The following SYCP1 variants were observed in gnomAD, a reference collection of about 807,000 sequenced individuals.
The protein encoded by SYCP1 is cancer/testis antigen 8.
In SYCP1, 64 loss-of-function variants were observed where a neutral mutation model predicts 153.1. That is an observed-to-expected ratio of 0.42 (90% CI 0.34 to 0.51). The LOEUF (loss-of-function observed/expected upper bound fraction) is 0.51, where lower values mean the gene tolerates loss of function less well. Ranked by LOEUF, SYCP1 falls within the 20% of genes least tolerant of loss-of-function variation. The pLI is 0.06. For missense variants in SYCP1, 997 were observed against 1,049.0 expected, an observed-to-expected ratio of 0.95 and a Z score of 0.68; for synonymous variants, 384 against 341.8, an observed-to-expected ratio of 1.12 and a Z score of -1.36.
intron 20 of SYCP1, 53 bp from the exon 21 acceptor site, chr1:114,923,396 T>C (rs753297422): frequency 5.8e-5 from 86 of 1,473,482 alleles, no homozygotes; most frequent in Non-Finnish European, 6.8e-5. Context: ...ATTTGAGATC[T>C]TCTATAGGCC....
intron 6 of SYCP1, among the ~76,000 whole-genome samples, chr1:114,859,013 T>C (rs1664198932): frequency 6.6e-6 from 1 of 152,186 alleles, no homozygotes; most frequent in Non-Finnish European, 1.5e-5. Flanking sequence ...CCTATTGATG[T>C]TTTATGTAAA....
At chr1:114,881,913 CT>C (rs1352281466) in intron 12 of SYCP1, among the ~76,000 whole-genome samples, 1 of 152,146 alleles carries the variant, frequency 6.6e-6, no homozygotes, top group Non-Finnish European at 1.5e-5. Flanking sequence ...AACTCATACG[CT>C]TAGTTTTGTT....
At chr1:114,897,228 A>G (rs1667135298) in intron 16 of SYCP1, among the ~76,000 whole-genome samples, 1 of 152,190 alleles carries the variant, frequency 6.6e-6, no homozygotes, top group Admixed American at 6.5e-5. Context: ...TTTTGGGAAA[A>G]CAGCAGTCAG....
chr1:114,899,694 C>T (rs978420561), intron 16 of SYCP1, among the ~76,000 whole-genome samples: 1 of 152,172 alleles, frequency 6.6e-6, no homozygotes, highest in Admixed American at 6.5e-5. Flanking sequence ...ATAGTATACT[C>T]AGACATTAGA....
chr1:114,867,563 TGGTG>T (rs1416970303), intron 8 of SYCP1, among the ~76,000 whole-genome samples: 1 of 152,178 alleles, frequency 6.6e-6, no homozygotes, highest in Non-Finnish European at 1.5e-5. Context: ...TATTCATTGC[TGGTG>T]TATAGGAAAA....
chr1:114,954,732 C>T (rs1238656204), intron 27 of SYCP1, among the ~76,000 whole-genome samples: 2 of 152,118 alleles, frequency 1.3e-5, no homozygotes, highest in Non-Finnish European at 2.9e-5. Flanking sequence ...AGGCACACGC[C>T]GCCATGCCCA....
At chr1:114,914,185 G>T in intron 20 of SYCP1, 140 bp downstream of exon 20, 2 of 590,274 alleles carry the variant, frequency 3.4e-6, no homozygotes, top group Non-Finnish European at 5.5e-6. Context: ...CACTGTTGTG[G>T]AATCCTGCTT....
intron 27 of SYCP1, among the ~76,000 whole-genome samples, chr1:114,971,708 T>C (rs777710032): frequency 2.0e-5 from 3 of 152,186 alleles, no homozygotes; most frequent in Non-Finnish European, 2.9e-5. Flanking sequence ...TGGTTTGATA[T>C]GATATATCAC....
chr1:114,895,520 T>TC lies in SYCP1; in HGVS notation c.1320+12dup. ...TTGAAAAAAGTCTTGGTAAGTATAG[T>TC]CTTTCCTATTAATATATAGCAATTA... On this transcript the variant is annotated intron_variant, in intron 16 of 31. Transcript: ENST00000369522. 1 of 1,400,606 alleles carries TC rather than the reference T, an allele frequency of 7.1e-7. No individual in the cohort carries two copies. The highest frequency in any genetic ancestry group is 9.7e-7 in the Non-Finnish European group (1 of 1,025,678). The allele number at this position is 1,400,606 out of a possible 1,614,324, so 86.8% of individuals were successfully genotyped here. A position where few individuals can be genotyped will look rare whatever the true frequency, so the allele number is the denominator to read the frequency against.
chr1:114,990,810 C>CA (rs1392868073), intron 30 of SYCP1, among the ~76,000 whole-genome samples: 1 of 151,954 alleles, frequency 6.6e-6, no homozygotes, highest in East Asian at 1.9e-4. Flanking sequence ...AATTGGTAAT[C>CA]AAAAACCTCA....
intron 12 of SYCP1, among the ~76,000 whole-genome samples, chr1:114,880,927 ATT>A (rs1328441128): frequency 6.6e-6 from 1 of 152,026 alleles, no homozygotes; most frequent in Non-Finnish European, 1.5e-5. Context: ...TGCCTAATTT[ATT>A]TTGTCACTTG....
chr1:114,928,290 G>A (rs360590), intron 23 of SYCP1, among the ~76,000 whole-genome samples: 75,275 of 151,830 alleles, frequency 0.5, 19,941 homozygotes, highest in Middle Eastern at 0.62. Flanking sequence ...AACTTTTAAA[G>A]GCAGACAGAA....
intron 21 of SYCP1, among the ~76,000 whole-genome samples, chr1:114,924,980 GTTCT>G (rs1443002231): frequency 1.3e-5 from 2 of 152,032 alleles, no homozygotes; most frequent in East Asian, 3.9e-4. Context: ...TGCATTCTAG[GTTCT>G]TTCTATGTAT....
intron 16 of SYCP1, among the ~76,000 whole-genome samples, chr1:114,908,687 G>T (rs1299532434): frequency 6.6e-6 from 1 of 151,876 alleles, no homozygotes; most frequent in Non-Finnish European, 1.5e-5. Context: ...ATTTCCATTT[G>T]TTCTTATTTT....
chr1:114,906,167 G>A (rs745377128), intron 16 of SYCP1, among the ~76,000 whole-genome samples: 8 of 151,614 alleles, frequency 5.3e-5, no homozygotes, highest in South Asian at 4.2e-4. Context: ...GGGTTTCACC[G>A]TATTGGCCAG....
intron 16 of SYCP1, 132 bp from the exon 17 acceptor site, chr1:114,910,265 T>C: frequency 1.8e-6 from 1 of 566,786 alleles, no homozygotes; most frequent in East Asian, 3.4e-5. Context: ...TAATATTGAC[T>C]AATTTTCTCT....
intron 23 of SYCP1, among the ~76,000 whole-genome samples, chr1:114,936,918 T>A (rs1179398275): frequency 6.6e-6 from 1 of 152,146 alleles, no homozygotes; most frequent in Admixed American, 6.6e-5. Flanking sequence ...TGGAAGAACA[T>A]TCCATGCTCA....
At chr1:114,863,349 CA>C (rs1474492033) in intron 8 of SYCP1, among the ~76,000 whole-genome samples, 1 of 152,082 alleles carries the variant, frequency 6.6e-6, no homozygotes, top group Non-Finnish European at 1.5e-5. Context: ...GTCAAGAGAT[CA>C]AGACCAGCCT....
chr1:114,860,908 G>GTTCAAATCAA, intron 8 of SYCP1, 99 bp downstream of exon 8: 2 of 809,548 alleles, frequency 2.5e-6, no homozygotes, highest in Non-Finnish European at 3.8e-6. Flanking sequence ...GAACCAATTT[G>GTTCAAATCAA]ATTTGAACAA....
Sources: gnomAD v4.1 joint callset for allele counts (sites outside exome capture counted in the v4.1 genomes callset) on GRCh38, gnomAD v4.1.1 for gene constraint, MANE v1.5 for transcripts, NCBI Gene and HGNC (gene_info 2026-07-23, HGNC 2026-07-21) for gene names.